Variants in MYO3B observed in about 807,000 individuals in gnomAD.
MYO3B encodes myosin IIIB.
MYO3B carries 156 observed loss-of-function variants against 174.6 expected under a neutral mutation model. The ratio of observed to expected loss-of-function variants is 0.89; its 90% CI spans 0.78 to 1.02. The LOEUF (loss-of-function observed/expected upper bound fraction) is 1.02, where lower values mean the gene tolerates loss of function less well. Among genes scored for constraint, MYO3B ranks in the 50% least tolerant of loss-of-function variants. The pLI is 0.00. For missense variants in MYO3B, 1,632 were observed against 1,639.4 expected (o/e 1.00, Z 0.08); for synonymous variants, 563 against 569.1 (o/e 0.99, Z 0.15).
At chr2:170,224,709 T>A (rs533821393) in intron 6 of MYO3B, among the ~76,000 whole-genome samples, 1 of 152,104 alleles carries the variant, frequency 6.6e-6, no homozygotes, top group Non-Finnish European at 1.5e-5. Context: ...AATAAACATT[T>A]GCTTCTTTTC....
chr2:170,446,817 A>AT (rs1182983133), intron 23 of MYO3B, among the ~76,000 whole-genome samples: 1 of 152,248 alleles, frequency 6.6e-6, no homozygotes, highest in Non-Finnish European at 1.5e-5. Flanking sequence ...TTTATTTAAT[A>AT]TAAGTTTTAG....
chr2:170,368,399 G>A (rs1407936777), intron 8 of MYO3B, among the ~76,000 whole-genome samples: 1 of 152,216 alleles, frequency 6.6e-6, no homozygotes, highest in East Asian at 1.9e-4. Context: ...CAGTTGGAGG[G>A]ATATTCGTCA....
At chr2:170,534,646 C>G (rs1051593263) in intron 30 of MYO3B, among the ~76,000 whole-genome samples, 2 of 152,122 alleles carry the variant, frequency 1.3e-5, no homozygotes, top group East Asian at 1.9e-4. Context: ...CACTGTGTTG[C>G]CCAGGCTGGT....
intron 20 of MYO3B, among the ~76,000 whole-genome samples, chr2:170,404,657 T>A (rs2094499149): frequency 6.6e-6 from 1 of 152,170 alleles, no homozygotes; most frequent in Admixed American, 6.5e-5. Context: ...GTTGATTTCA[T>A]TTTTACACCT....
At chr2:170,551,188 C>T (rs1429201858) in intron 32 of MYO3B, among the ~76,000 whole-genome samples, 1 of 152,056 alleles carries the variant, frequency 6.6e-6, no homozygotes, top group African/African-American at 2.4e-5. Context: ...GCATGAGCCA[C>T]CACACCCAGC....
At chr2:170,186,123 T>A (rs2092459407) in intron 1 of MYO3B, among the ~76,000 whole-genome samples, 1 of 152,204 alleles carries the variant, frequency 6.6e-6, no homozygotes, top group Non-Finnish European at 1.5e-5. Flanking sequence ...GCCTTTTATT[T>A]CTCTCTCTTG....
intron 23 of MYO3B, among the ~76,000 whole-genome samples, chr2:170,456,747 G>A (rs377295182): frequency 4.6e-5 from 7 of 152,196 alleles, no homozygotes; most frequent in African/African-American, 9.6e-5. Context: ...TTATATGTGC[G>A]CAAGGCAGCA....
At chr2:170,222,033 A>G (rs6758568) in intron 6 of MYO3B, among the ~76,000 whole-genome samples, 152,167 of 152,354 alleles carry the variant, frequency 1, 75,990 homozygotes, top group Middle Eastern at 1. Context: ...AGTTTCTCGT[A>G]TAATAAGATC....
chr2:170,630,206 C>T (rs1303440088), intron 32 of MYO3B, among the ~76,000 whole-genome samples: 2 of 152,200 alleles, frequency 1.3e-5, no homozygotes, highest in African/African-American at 2.4e-5. Context: ...TCCACCTAAA[C>T]GTGGCACTTT....
chr2:170,289,080 C>A (rs970966029), intron 7 of MYO3B, among the ~76,000 whole-genome samples: 1 of 151,924 alleles, frequency 6.6e-6, no homozygotes, highest in Non-Finnish European at 1.5e-5. Flanking sequence ...AGTGAGTGAC[C>A]TTTTTAATGT....
intron 32 of MYO3B, among the ~76,000 whole-genome samples, chr2:170,610,289 C>T (rs566743539): frequency 2.0e-5 from 3 of 151,276 alleles, no homozygotes; most frequent in African/African-American, 7.3e-5. Flanking sequence ...TGCAGTGAGC[C>T]GAGATCATGC....
chr2:170,542,640 G>T (rs770921738), intron 30 of MYO3B, among the ~76,000 whole-genome samples: 1 of 152,148 alleles, frequency 6.6e-6, no homozygotes, highest in East Asian at 1.9e-4. Context: ...CTAAACCAAA[G>T]CCAATCACAC....
chr2:170,405,019 A>C (rs951423795), intron 20 of MYO3B, among the ~76,000 whole-genome samples: 1 of 152,234 alleles, frequency 6.6e-6, no homozygotes, highest in African/African-American at 2.4e-5. Flanking sequence ...ATGAAGCCTC[A>C]GTCTTTATGT....
intron 6 of MYO3B, among the ~76,000 whole-genome samples, chr2:170,229,095 G>C (rs900755428): frequency 6.6e-6 from 1 of 151,946 alleles, no homozygotes; most frequent in African/African-American, 2.4e-5. Flanking sequence ...ATTTGTAAAA[G>C]TGATAAAAAT....
At chr2:170,184,861 G>GT (rs1316204248) in intron 1 of MYO3B, among the ~76,000 whole-genome samples, 3 of 151,962 alleles carry the variant, frequency 2.0e-5, no homozygotes, top group Non-Finnish European at 2.9e-5. Context: ...TTATTGCTTA[G>GT]TTTTTTTGGT....
chr2:170,472,040 G>T (rs1252605309), intron 25 of MYO3B, among the ~76,000 whole-genome samples: 2 of 151,210 alleles, frequency 1.3e-5, no homozygotes, highest in Non-Finnish European at 2.9e-5. Flanking sequence ...AAATTTAAGG[G>T]TTTATTTCTG....
chr2:170,371,885 T>C (rs563373169), intron 9 of MYO3B, among the ~76,000 whole-genome samples: 1 of 151,876 alleles, frequency 6.6e-6, no homozygotes, highest in East Asian at 1.9e-4. Flanking sequence ...GGAGGATCAC[T>C]TGAGCCCAGG....
chr2:170,295,569 A>T (rs1023068666), intron 7 of MYO3B, among the ~76,000 whole-genome samples: 2 of 152,086 alleles, frequency 1.3e-5, no homozygotes, highest in East Asian at 3.8e-4. Flanking sequence ...TTCTATTTAT[A>T]TCTTATTTTT....
At chr2:170,207,226 C>T (rs1043335625) in intron 3 of MYO3B, among the ~76,000 whole-genome samples, 1 of 152,146 alleles carries the variant, frequency 6.6e-6, no homozygotes, top group Non-Finnish European at 1.5e-5. Flanking sequence ...CTCTTAATCT[C>T]CCCTAACTCC....
Sources: allele counts gnomAD v4.1 joint callset (sites outside exome capture counted in the v4.1 genomes callset), GRCh38; gene constraint gnomAD v4.1.1; transcripts MANE v1.5; gene names NCBI Gene and HGNC (gene_info 2026-07-23, HGNC 2026-07-21).